Variants in FRMPD4 observed in about 807,000 individuals in gnomAD.
The protein encoded by FRMPD4 is FERM and PDZ domain containing 4, also known as FERM and PDZ domain-containing protein 4.
FRMPD4 carries 22 observed loss-of-function variants against 94.1 expected under a neutral mutation model. The ratio of observed to expected loss-of-function variants is 0.23; its 90% confidence interval spans 0.17 to 0.33. The LOEUF (loss-of-function observed/expected upper bound fraction) is 0.33. Among genes scored for constraint, FRMPD4 ranks in the 10% least tolerant of loss-of-function variants. The pLI is 1.00. For missense variants in FRMPD4, 1,111 were observed against 1,339.9 expected, an observed-to-expected ratio of 0.83 and a Z score of 2.67; for synonymous variants, 631 against 548.6, an observed-to-expected ratio of 1.15 and a Z score of -2.10.
At chrX:12,629,645 G>T (rs1323888105) in intron 4 of FRMPD4, among the ~76,000 whole-genome samples, 1 of 112,168 alleles carries the variant, frequency 8.9e-6, no homozygotes, top group Non-Finnish European at 1.9e-5. Flanking sequence ...CCTCATCAAG[G>T]TTATTACCAG....
intron 1 of FRMPD4, among the ~76,000 whole-genome samples, chrX:12,141,674 T>G (rs765238427): frequency 9.5e-6 from 1 of 105,470 alleles, no homozygotes; most frequent in Non-Finnish European, 1.9e-5. Context: ...GATTGCATCC[T>G]TCGTGGGTGG....
At position 12,265,645 on chromosome X, in the gene FRMPD4, T is replaced by C. The variant is rs767684470; in HGVS notation, c.41+126633T>C. On this transcript the variant is annotated intron_variant, in intron 1 of 16. Transcript: ENST00000675598. ...TTCTTTTTTTTTTCTCTGACTCATA[T>C]AAGCAATATAAACAAATATGTCATG... Among the ~76,000 whole-genome samples the C allele has an allele frequency of 1.6e-4, 18 of 110,627 alleles. No individual in the cohort carries two copies. The South Asian group carries it at 7.0e-3, about 43-fold the overall frequency.
At position 12,616,429 on chromosome X, in the gene FRMPD4, G is replaced by T. The variant is rs188547272; in HGVS notation, c.422+1548G>T. On this transcript the variant is annotated intron_variant, in intron 4 of 16. Transcript: ENST00000675598. ...ACCCAGTCTAAGGTACTTTGTTGTA[G>T]CAGCTCAAACAGACTAAGACAGTCA... Among the ~76,000 whole-genome samples, 147 of 111,803 alleles carry T rather than the reference G, an allele frequency of 1.3e-3. 1 individual carries two copies. The highest frequency in any genetic ancestry group is 4.6e-3 in the African/African-American group (141 of 30,796).
intron 2 of FRMPD4, among the ~76,000 whole-genome samples, chrX:12,505,734 A>AAC (rs1229543323): frequency 9.7e-6 from 1 of 102,610 alleles, no homozygotes; most frequent in African/African-American, 3.6e-5. Flanking sequence ...TCCGAAAAAA[A>AAC]AAAAAAAAAA....
chrX:12,469,919 C>T (rs112736928), intron 1 of FRMPD4, among the ~76,000 whole-genome samples: 1,180 of 112,214 alleles, frequency 0.011, 20 homozygotes, highest in African/African-American at 0.036. Context: ...GCAATGAGGA[C>T]ACTGCTGCCC....
At chrX:11,988,150 A>T (rs952845014) in intron 3 of FRMPD4, among the ~76,000 whole-genome samples, 1 of 111,987 alleles carries the variant, frequency 8.9e-6, no homozygotes, top group African/African-American at 3.2e-5. Flanking sequence ...AGCAAAAGGA[A>T]TAAAAATAAA....
chrX:12,028,084 C>T lies in FRMPD4; in HGVS notation c.95+150066C>T, dbSNP rs1237791697. Reference sequence around the variant, plus strand: ...CAGGAGTCCATGTGTGGCTTAACTACGTTCTCTGCTCAGCACGTCACAAGC... The same window carrying T: ...CAGGAGTCCATGTGTGGCTTAACTATGTTCTCTGCTCAGCACGTCACAAGC... On this transcript the variant is annotated intron_variant, in intron 3 of 18. Transcript: ENST00000640291. 8.9e-5 allele frequency among the ~76,000 whole-genome samples: 10 copies of T among 112,041 alleles called. No homozygotes were observed. In the East Asian group the frequency reaches 1.4e-3, roughly 16 times the overall value.
chrX:12,014,744 G>A (rs17327899), intron 3 of FRMPD4, among the ~76,000 whole-genome samples: 6,915 of 111,157 alleles, frequency 0.062, 246 homozygotes, highest in East Asian at 0.23. Context: ...GGGAGAGAGA[G>A]CTGTGTCTGG....
At chrX:12,486,376 C>T (rs1349106176) in intron 1 of FRMPD4, among the ~76,000 whole-genome samples, 2 of 112,176 alleles carry the variant, frequency 1.8e-5, no homozygotes, top group Admixed American at 9.4e-5. Flanking sequence ...GATTCTTATG[C>T]ACACTAAAGT....
At chrX:12,029,919 AATCTT>A (rs2054682028) in intron 3 of FRMPD4, among the ~76,000 whole-genome samples, 1 of 111,655 alleles carries the variant, frequency 9.0e-6, no homozygotes, top group Non-Finnish European at 1.9e-5. Flanking sequence ...AGGGGGTGAG[AATCTT>A]GGAGACCTTC....
intron 1 of FRMPD4, among the ~76,000 whole-genome samples, chrX:12,361,663 GTCTTTGGATATA>G (rs2055990856): frequency 8.9e-6 from 1 of 112,031 alleles, no homozygotes; most frequent in African/African-American, 3.2e-5. Context: ...GTGTATTTTG[GTCTTTGGATATA>G]TATTTGAATA....
chrX:12,349,490 C>T (rs765472574), intron 1 of FRMPD4, among the ~76,000 whole-genome samples: 6 of 110,435 alleles, frequency 5.4e-5, no homozygotes, highest in Non-Finnish European at 1.1e-4. Flanking sequence ...AAAACAGCAG[C>T]GAAAGCCAAG....
intron 3 of FRMPD4, among the ~76,000 whole-genome samples, chrX:12,099,053 G>A (rs1402868923): frequency 1.2e-5 from 1 of 80,236 alleles, no homozygotes; most frequent in Admixed American, 1.5e-4. Flanking sequence ...TCACACTCTG[G>A]GGACTGTTGT....
intron 7 of FRMPD4, among the ~76,000 whole-genome samples, chrX:12,687,864 C>A (rs766454664): frequency 8.9e-6 from 1 of 112,007 alleles, no homozygotes; most frequent in East Asian, 2.8e-4. Context: ...GTAGACACAG[C>A]TAACCACCTG....
chrX:12,270,168 C>A (rs1183631976), intron 1 of FRMPD4, among the ~76,000 whole-genome samples: 1 of 110,787 alleles, frequency 9.0e-6, no homozygotes, highest in African/African-American at 3.3e-5. Flanking sequence ...CTTTTTTTGG[C>A]TTTAGTTTTA....
chrX:12,718,097 C>G lies in FRMPD4; in HGVS notation c.3271C>G (p.Gln1091Glu), dbSNP rs773545466. The G allele has an allele frequency of 5.5e-5, 66 of 1,209,247 alleles. No homozygotes were observed. The East Asian group carries it at 1.9e-3, about 35-fold the overall frequency. Residue 1091 changes from glutamine to glutamate, a missense_variant, in exon 16 of 17, where the codon CAA (glutamine) becomes GAA (glutamate). Physicochemically the swap from Gln to Glu is conservative, Grantham distance 29 (BLOSUM62 2). Coordinates refer to ENST00000675598, the MANE Select transcript of FRMPD4 (RefSeq NM_001368397.1). ...LERTAFRKDS[Q>E]RWYVATEGGM... ...GAGAACTGCCTTTCGCAAGGACAGT[C>G]AAAGATGGTATGTGGCCACTGAAGG...
At chrX:12,113,662 A>C (rs367667299) in intron 3 of FRMPD4, among the ~76,000 whole-genome samples, 5 of 112,230 alleles carry the variant, frequency 4.5e-5, no homozygotes, top group African/African-American at 1.6e-4. Context: ...ACCCATCTCA[A>C]AATCTTTGAC....
At chrX:11,930,504 A>C (rs2054117117) in intron 3 of FRMPD4, among the ~76,000 whole-genome samples, 1 of 110,992 alleles carries the variant, frequency 9.0e-6, no homozygotes, top group Admixed American at 9.6e-5. Flanking sequence ...CAAACAAGGG[A>C]TACCTATAGT....
intron 3 of FRMPD4, among the ~76,000 whole-genome samples, chrX:11,900,343 T>A (rs2053928811): frequency 9.0e-6 from 1 of 110,579 alleles, no homozygotes; most frequent in African/African-American, 3.3e-5. Context: ...TCATAAAGGG[T>A]ATAGGTTGAG....
Sources: gnomAD v4.1 joint callset for allele counts (sites outside exome capture counted in the v4.1 genomes callset) on GRCh38, gnomAD v4.1.1 for gene constraint, MANE v1.5 for transcripts, NCBI Gene and HGNC (gene_info 2026-07-23, HGNC 2026-07-21) for gene names.